Variants in TMEM232 observed in about 807,000 individuals in gnomAD.
The protein encoded by TMEM232 is transmembrane protein 232.
Under a neutral mutation model 78.8 loss-of-function variants are expected in TMEM232, and 80 were observed. The observed-to-expected ratio is 1.01, with a 90% CI of 0.85 to 1.22. The LOEUF (loss-of-function observed/expected upper bound fraction) is 1.22. Ranked by LOEUF, TMEM232 falls within the 50% of genes most tolerant of loss-of-function variation. TMEM232 has a pLI of 0.00. For missense variants in TMEM232, 881 were observed against 742.2 expected, an observed-to-expected ratio of 1.19 and a Z score of -2.17; for synonymous variants, 297 against 254.3, an observed-to-expected ratio of 1.17 and a Z score of -1.60.
At chr5:110,515,826 T>G (rs1768546870) in intron 12 of TMEM232, among the ~76,000 whole-genome samples, 1 of 152,206 alleles carries the variant, frequency 6.6e-6, no homozygotes, top group African/African-American at 2.4e-5. Flanking sequence ...GGGTATGCCC[T>G]TCCTGTAAAG....
chr5:110,640,571 C>T (rs1786537660), intron 4 of TMEM232, among the ~76,000 whole-genome samples: 1 of 152,022 alleles, frequency 6.6e-6, no homozygotes, highest in Non-Finnish European at 1.5e-5. Flanking sequence ...AAGCAAATTT[C>T]TCTAAAGTCT....
At chr5:110,519,099 G>A (rs1029429694) in intron 12 of TMEM232, among the ~76,000 whole-genome samples, 24 of 151,952 alleles carry the variant, frequency 1.6e-4, no homozygotes, top group African/African-American at 5.3e-4. Flanking sequence ...GTTCAATTAT[G>A]GCCAAATAAA....
At chr5:110,474,588 G>C (rs1453793627) in intron 12 of TMEM232, among the ~76,000 whole-genome samples, 1 of 151,764 alleles carries the variant, frequency 6.6e-6, no homozygotes, top group Non-Finnish European at 1.5e-5. Flanking sequence ...GGACATAAAA[G>C]GCATACATAT....
At chr5:110,595,724 G>A (rs893223431) in intron 10 of TMEM232, among the ~76,000 whole-genome samples, 12 of 152,022 alleles carry the variant, frequency 7.9e-5, no homozygotes, top group African/African-American at 2.9e-4. Context: ...CAAAATCAGA[G>A]AAAAAAGAAT....
intron 10 of TMEM232, among the ~76,000 whole-genome samples, chr5:110,590,472 A>G (rs556778482): frequency 6.6e-6 from 1 of 152,250 alleles, no homozygotes. Flanking sequence ...ACAGTGCATG[A>G]GTGGGATCTA....
At chr5:110,587,687 ATATATGTGTGTGTGTGTGTG>A (rs1176768678) in intron 10 of TMEM232, among the ~76,000 whole-genome samples, 5 of 78,210 alleles carry the variant, frequency 6.4e-5, no homozygotes, top group African/African-American at 3.9e-4. Flanking sequence ...ATATATATAT[ATATATGTGTGTGTGTGTGTG>A]TGTGTGTGTG....
intron 10 of TMEM232, among the ~76,000 whole-genome samples, chr5:110,590,827 G>A (rs1046171657): frequency 6.6e-6 from 1 of 152,142 alleles, no homozygotes; most frequent in Admixed American, 6.6e-5. Flanking sequence ...GGGGAAGCAA[G>A]CACCTTCTTC....
At chr5:110,637,912 A>G (rs1786094859) in intron 5 of TMEM232, among the ~76,000 whole-genome samples, 1 of 152,080 alleles carries the variant, frequency 6.6e-6, no homozygotes, top group Non-Finnish European at 1.5e-5. Flanking sequence ...TAGAAAAGAA[A>G]AACTCTATAT....
intron 10 of TMEM232, among the ~76,000 whole-genome samples, chr5:110,601,073 T>C (rs1351162379): frequency 6.6e-6 from 1 of 152,172 alleles, no homozygotes; most frequent in Non-Finnish European, 1.5e-5. Context: ...ATTATCTCAA[T>C]AGATGCAGAA....
intron 2 of TMEM232, among the ~76,000 whole-genome samples, chr5:110,647,092 C>T (rs1244563106): frequency 6.6e-6 from 1 of 151,796 alleles, no homozygotes; most frequent in African/African-American, 2.4e-5. Context: ...TTTGCCTACA[C>T]GAAAGTGCAC....
intron 12 of TMEM232, among the ~76,000 whole-genome samples, chr5:110,451,029 A>G (rs747194613): frequency 2.0e-5 from 3 of 152,190 alleles, no homozygotes; most frequent in Non-Finnish European, 4.4e-5. Context: ...GGGTGACTAA[A>G]TGACCACATG....
At chr5:110,465,816 T>A (rs539871313) in intron 12 of TMEM232, among the ~76,000 whole-genome samples, 2 of 152,290 alleles carry the variant, frequency 1.3e-5, no homozygotes, top group East Asian at 3.9e-4. Flanking sequence ...CCACTCCCAA[T>A]TGGTTAGAAA....
intron 11 of TMEM232, among the ~76,000 whole-genome samples, chr5:110,540,776 A>G (rs1458820603): frequency 6.6e-6 from 1 of 152,198 alleles, no homozygotes; most frequent in Non-Finnish European, 1.5e-5. Context: ...AAAAAGCTTA[A>G]CATCTATACA....
chr5:110,456,981 T>C (rs55680634), intron 12 of TMEM232, among the ~76,000 whole-genome samples: 5,764 of 152,188 alleles, frequency 0.038, 376 homozygotes, highest in African/African-American at 0.13. Flanking sequence ...TTAGTTACTA[T>C]ACGAAAAGCA....
intron 12 of TMEM232, among the ~76,000 whole-genome samples, chr5:110,465,389 T>C (rs1380627454): frequency 6.6e-6 from 1 of 152,168 alleles, no homozygotes; most frequent in Non-Finnish European, 1.5e-5. Context: ...GCAGCCTCTA[T>C]AAAAGGGTAG....
chr5:110,606,058 A>T (rs2149831655), intron 9 of TMEM232, 106 bp downstream of exon 9: 1 of 969,178 alleles, frequency 1.0e-6, no homozygotes, highest in Admixed American at 4.2e-5. Context: ...ATTATTATAA[A>T]GTTATGCATA....
chr5:110,482,574 T>C (rs1763990200), intron 12 of TMEM232, among the ~76,000 whole-genome samples: 1 of 147,142 alleles, frequency 6.8e-6, no homozygotes, highest in South Asian at 2.1e-4. Flanking sequence ...AGAGTGAAAC[T>C]CCATCTCAAA....
intron 12 of TMEM232, among the ~76,000 whole-genome samples, chr5:110,501,026 G>T (rs1366225319): frequency 6.6e-6 from 1 of 152,068 alleles, no homozygotes; most frequent in Non-Finnish European, 1.5e-5. Flanking sequence ...TTTTTTTAAG[G>T]AATGTGCATT....
chr5:110,698,876 C>G (rs1795115115), intron 1 of TMEM232, among the ~76,000 whole-genome samples: 3 of 152,012 alleles, frequency 2.0e-5, no homozygotes, highest in African/African-American at 4.8e-5. Context: ...CTGTACCAAC[C>G]CTTTTATATT....
Sources: allele counts gnomAD v4.1 joint callset (sites outside exome capture counted in the v4.1 genomes callset), GRCh38; gene constraint gnomAD v4.1.1; transcripts MANE v1.5; gene names NCBI Gene and HGNC (gene_info 2026-07-23, HGNC 2026-07-21).